Variants in CTNND2 observed in about 807,000 individuals in gnomAD.
The protein encoded by CTNND2 is catenin delta 2.
CTNND2 carries 22 observed loss-of-function variants against 144.4 expected under a neutral mutation model. The observed-to-expected ratio is 0.15, with a 90% confidence interval of 0.11 to 0.22. The LOEUF (loss-of-function observed/expected upper bound fraction) is 0.22, where lower values mean the gene tolerates loss of function less well. Among genes scored for constraint, CTNND2 ranks in the 10% least tolerant of loss-of-function variants. CTNND2 has a pLI of 1.00. For missense variants in CTNND2, 1,353 were observed against 1,618.8 expected (o/e 0.84, Z 2.82); for synonymous variants, 751 against 695.6 (o/e 1.08, Z -1.25).
At chr5:11,216,177 G>A (rs997994287) in intron 10 of CTNND2, among the ~76,000 whole-genome samples, 1 of 152,174 alleles carries the variant, frequency 6.6e-6, no homozygotes, top group East Asian at 1.9e-4. Flanking sequence ...AGAGCTGAGA[G>A]AGCATTTTCC....
intron 2 of CTNND2, among the ~76,000 whole-genome samples, chr5:11,626,023 T>C (rs560588995): frequency 2.6e-5 from 4 of 152,272 alleles, no homozygotes; most frequent in African/African-American, 9.6e-5. Flanking sequence ...AAGTATAGAA[T>C]GGTATTGTCA....
At chr5:11,100,193 A>T (rs1319377624) in intron 14 of CTNND2, among the ~76,000 whole-genome samples, 2 of 152,204 alleles carry the variant, frequency 1.3e-5, no homozygotes, top group African/African-American at 4.8e-5. Context: ...GCTAAACTGC[A>T]TGTCTTCTTT....
At chr5:11,852,280 ATTTT>A (rs10612386) in intron 1 of CTNND2, among the ~76,000 whole-genome samples, 79 of 152,244 alleles carry the variant, frequency 5.2e-4, no homozygotes, top group Middle Eastern at 6.8e-3. Context: ...TCTGAAAGAG[ATTTT>A]TTTAAGTGCG....
At chr5:11,210,468 A>G (rs1311548849) in intron 10 of CTNND2, among the ~76,000 whole-genome samples, 1 of 152,230 alleles carries the variant, frequency 6.6e-6, no homozygotes, top group East Asian at 1.9e-4. Flanking sequence ...AATACTCTTC[A>G]AATGCCGGTC....
intron 2 of CTNND2, among the ~76,000 whole-genome samples, chr5:11,605,804 T>C (rs2126353720): frequency 6.6e-6 from 1 of 152,240 alleles, no homozygotes; most frequent in South Asian, 2.1e-4. Context: ...TAAGAGGACA[T>C]GGCAGTTGTG....
chr5:11,617,065 T>C (rs2126409157), intron 2 of CTNND2, among the ~76,000 whole-genome samples: 1 of 152,328 alleles, frequency 6.6e-6, no homozygotes, highest in East Asian at 1.9e-4. Flanking sequence ...TATCTACTCG[T>C]ATCAGACCTG....
intron 9 of CTNND2, among the ~76,000 whole-genome samples, chr5:11,315,569 T>C (rs990848483): frequency 3.9e-5 from 6 of 152,372 alleles, no homozygotes; most frequent in South Asian, 2.1e-4. Context: ...TAGATGTTTA[T>C]GTTAAACACA....
At chr5:11,525,563 C>A (rs143022508) in intron 3 of CTNND2, among the ~76,000 whole-genome samples, 47 of 152,326 alleles carry the variant, frequency 3.1e-4, no homozygotes, top group African/African-American at 1.0e-3. Context: ...ACAAGAACAG[C>A]AGTACTGTGA....
intron 1 of CTNND2, among the ~76,000 whole-genome samples, chr5:11,763,035 C>G (rs1326186870): frequency 6.6e-6 from 1 of 152,094 alleles, no homozygotes; most frequent in Non-Finnish European, 1.5e-5. Context: ...AGATTTCCCC[C>G]TTGCTGTTCT....
rs144726319 is a variant in CTNND2, at chr5:11,602,381, C to T, written c.175-37325G>A. Among the ~76,000 whole-genome samples, 239 of 151,792 alleles carry T rather than the reference C, an allele frequency of 1.6e-3. 1 individual carries two copies. Among genetic ancestry groups the T allele is most frequent in the Middle Eastern group, 3.4e-3 (1 of 292 alleles). Reference sequence around the variant, plus strand: ...ATGAATATTTCTTTTCAGGCAAGTTCCCCATGGACATGTGTCAGTATGCAT... The same window carrying T: ...ATGAATATTTCTTTTCAGGCAAGTTTCCCATGGACATGTGTCAGTATGCAT... On this transcript the variant is annotated intron_variant, in intron 2 of 21. Coordinates refer to ENST00000304623, the MANE Select transcript of CTNND2 (RefSeq NM_001332.4).
At chr5:11,798,300 G>T (rs1287829515) in intron 1 of CTNND2, among the ~76,000 whole-genome samples, 1 of 149,850 alleles carries the variant, frequency 6.7e-6, no homozygotes, top group African/African-American at 2.5e-5. Flanking sequence ...TTCAAACCAA[G>T]ATATCAATTT....
At chr5:11,668,641 A>C (rs559593953) in intron 2 of CTNND2, among the ~76,000 whole-genome samples, 38 of 152,270 alleles carry the variant, frequency 2.5e-4, no homozygotes, top group Admixed American at 9.2e-4. Flanking sequence ...CTAAAGTTGC[A>C]TATCAGCTTA....
chr5:11,586,111 C>T (rs1443153907), intron 2 of CTNND2, among the ~76,000 whole-genome samples: 1 of 152,116 alleles, frequency 6.6e-6, no homozygotes, highest in African/African-American at 2.4e-5. Context: ...CCTTTGCCTG[C>T]TATTCGAAAA....
intron 5 of CTNND2, among the ~76,000 whole-genome samples, chr5:11,407,673 G>A (rs1466255560): frequency 1.3e-5 from 2 of 151,894 alleles, no homozygotes; most frequent in Non-Finnish European, 2.9e-5. Flanking sequence ...TTTGAGTGAG[G>A]ATTAAGAGAC....
At position 11,396,622 on chromosome 5, in the gene CTNND2, A is replaced by T. The variant is rs955715268; in HGVS notation, c.612+409T>A. 7.2e-5 allele frequency among the ~76,000 whole-genome samples: 11 copies of T among 152,240 alleles called. No homozygotes were observed. The South Asian group carries it at 1.2e-3, about 17-fold the overall frequency. ...ATGTTTCTTTATATTGATATCAAAA[A>T]CCACAAAGCAATCCCATGCTTTTTT... On this transcript the variant is annotated intron_variant, in intron 6 of 21. Coordinates refer to ENST00000304623, the MANE Select transcript of CTNND2 (RefSeq NM_001332.4).
At chr5:11,033,762 A>G (rs1355603967) in intron 16 of CTNND2, among the ~76,000 whole-genome samples, 1 of 152,142 alleles carries the variant, frequency 6.6e-6, no homozygotes, top group Non-Finnish European at 1.5e-5. Flanking sequence ...CCTGGGAGGC[A>G]GAGGTTGCAG....
chr5:11,576,317 A>C (rs1777967820), intron 2 of CTNND2, among the ~76,000 whole-genome samples: 1 of 151,948 alleles, frequency 6.6e-6, no homozygotes, highest in South Asian at 2.1e-4. Flanking sequence ...ATTTTAGTGA[A>C]TCCTAATTTC....
At chr5:11,243,426 T>C (rs1742656696) in intron 9 of CTNND2, among the ~76,000 whole-genome samples, 1 of 152,188 alleles carries the variant, frequency 6.6e-6, no homozygotes, top group Non-Finnish European at 1.5e-5. Flanking sequence ...AAATAATATA[T>C]GTGAACCCCT....
At chr5:11,225,461 T>G (rs562344652) in intron 10 of CTNND2, among the ~76,000 whole-genome samples, 13 of 152,316 alleles carry the variant, frequency 8.5e-5, no homozygotes, top group Non-Finnish European at 1.3e-4. Flanking sequence ...CCCAGTGAAT[T>G]TACCCATTTC....
Sources: allele counts gnomAD v4.1 joint callset (sites outside exome capture counted in the v4.1 genomes callset), GRCh38; gene constraint gnomAD v4.1.1; transcripts MANE v1.5; gene names NCBI Gene and HGNC (gene_info 2026-07-23, HGNC 2026-07-21).